The following NBAS variants were observed in gnomAD, a reference collection of about 807,000 sequenced individuals.
NBAS encodes the protein NBAS subunit of NRZ tethering complex.
In NBAS, 219 loss-of-function variants were observed where a neutral mutation model predicts 302.5. The observed-to-expected ratio is 0.72, with a 90% CI of 0.65 to 0.81. The LOEUF (loss-of-function observed/expected upper bound fraction) is 0.81. NBAS is among the 30% of genes least tolerant of loss of function. NBAS has a pLI of 0.00. For synonymous variants in NBAS, 1,118 were observed against 1,021.6 expected, an observed-to-expected ratio of 1.09 and a Z score of -1.80; for missense variants, 2,932 against 2,841.6, an observed-to-expected ratio of 1.03 and a Z score of -0.72.
At chr2:15,174,428 C>T (rs1257429531) in intron 51 of NBAS, among the ~76,000 whole-genome samples, 1 of 152,138 alleles carries the variant, frequency 6.6e-6, no homozygotes, top group Admixed American at 6.6e-5. Context: ...GGACTAAGGT[C>T]AATGTGTTGA....
intron 51 of NBAS, 26 bp downstream of exon 51, chr2:15,178,960 GAA>G: frequency 9.4e-6 from 15 of 1,587,694 alleles, no homozygotes; most frequent in Non-Finnish European, 1.3e-5. Flanking sequence ...AAAAAAAAAA[GAA>G]AGAAAGTAAA....
At chr2:15,026,223 G>A in the NBAS span, among the ~76,000 whole-genome samples, 3 of 12,140 alleles carry the variant, frequency 2.5e-4, 1 homozygote, top group Non-Finnish European at 4.4e-4. Context: ...TTGGGAGGCC[G>A]AGGCGGGTGG....
At position 15,280,117 on chromosome 2, in the gene NBAS, T is replaced by C. The variant is rs542236149; in HGVS notation, c.5139-3016A>G. On this transcript the variant is annotated intron_variant, in intron 42 of 51. Coordinates refer to ENST00000281513, the MANE Select transcript of NBAS (RefSeq NM_015909.4). ...AGAAGCCAGCATTAGTTGCACTCAA[T>C]GCACAGAAATAAATTATTCATACTA... Among the ~76,000 whole-genome samples, 6 of 152,322 alleles carry C rather than the reference T, an allele frequency of 3.9e-5. No homozygotes were observed. The South Asian group carries it at 1.2e-3, about 32-fold the overall frequency.
the NBAS span, among the ~76,000 whole-genome samples, chr2:15,095,436 C>T: frequency 6.6e-6 from 1 of 152,160 alleles, no homozygotes; most frequent in Non-Finnish European, 1.5e-5. Flanking sequence ...CATCAGATCT[C>T]GTGAGACTTA....
the NBAS span, among the ~76,000 whole-genome samples, chr2:14,857,203 G>A: frequency 3.3e-5 from 5 of 152,082 alleles, no homozygotes; most frequent in Admixed American, 6.6e-5. Context: ...AATAGTCCAT[G>A]TTCATGAATT....
At position 15,417,420 on chromosome 2, in the gene NBAS, C is replaced by T. The variant is rs74616146; in HGVS notation, c.2763+107G>A. The T allele has an allele frequency of 5.6e-4, 530 of 942,114 alleles. 5 individuals are homozygous for T. In the African/African-American group the frequency reaches 8.0e-3, roughly 14 times the overall value. 58.4% of individuals were successfully genotyped at this position (942,114 alleles called of 1,614,324 possible). On this transcript the variant is annotated intron_variant, in intron 24 of 51. Coordinates refer to ENST00000281513, the MANE Select transcript of NBAS (RefSeq NM_015909.4). ...AAAAAAGTCAATCTTTATTTACTAA[C>T]TTCTCAGGTCTGTAGAACATTTCAT...
chr2:14,998,612 G>T, the NBAS span, among the ~76,000 whole-genome samples: 11 of 152,188 alleles, frequency 7.2e-5, no homozygotes, highest in Admixed American at 6.5e-4. Context: ...TACTCTGGGG[G>T]ATTCATGTCC....
chr2:15,424,597 G>T, intron 22 of NBAS, 129 bp from the exon 23 acceptor site: 1 of 1,015,238 alleles, frequency 9.8e-7, no homozygotes, highest in Non-Finnish European at 1.5e-6. Context: ...TATGTGGTTT[G>T]TGTATCTATC....
chr2:15,427,323 A>G (rs1677528087), intron 22 of NBAS, among the ~76,000 whole-genome samples: 1 of 152,094 alleles, frequency 6.6e-6, no homozygotes, highest in Non-Finnish European at 1.5e-5. Context: ...GCAGTACTGG[A>G]TGCCTACACA....
the NBAS span, among the ~76,000 whole-genome samples, chr2:15,022,813 T>C: frequency 2.0e-5 from 3 of 152,224 alleles, no homozygotes; most frequent in Non-Finnish European, 4.4e-5. Context: ...TCATATTGTC[T>C]AGAGTGATCT....
chr2:15,281,382 T>C (rs1669818149), intron 42 of NBAS, among the ~76,000 whole-genome samples: 1 of 152,240 alleles, frequency 6.6e-6, no homozygotes, highest in Admixed American at 6.5e-5. Flanking sequence ...AAGCACTATG[T>C]CATCTGATTT....
chr2:15,294,659 TG>T, intron 40 of NBAS, among the ~76,000 whole-genome samples: 1 of 152,304 alleles, frequency 6.6e-6, no homozygotes, highest in Non-Finnish European at 1.5e-5. Flanking sequence ...TGCACTGCCG[TG>T]GCCTGCTGCT....
intron 11 of NBAS, among the ~76,000 whole-genome samples, chr2:15,493,509 A>C (rs113471016): frequency 3.9e-5 from 6 of 152,230 alleles, no homozygotes; most frequent in African/African-American, 1.4e-4. Context: ...CTCTACAAAA[A>C]TACAAAAATT....
chr2:15,515,000 C>A (rs1185824023), intron 9 of NBAS, among the ~76,000 whole-genome samples: 1 of 152,122 alleles, frequency 6.6e-6, no homozygotes, highest in Admixed American at 6.5e-5. Flanking sequence ...ATGTGTTGTT[C>A]CAATCAGACA....
chr2:15,112,870 A>G, the NBAS span, among the ~76,000 whole-genome samples: 3 of 152,110 alleles, frequency 2.0e-5, no homozygotes, highest in Non-Finnish European at 4.4e-5. Flanking sequence ...TTCAAATGAG[A>G]TCTGAGTAAC....
the NBAS span, among the ~76,000 whole-genome samples, chr2:14,990,338 C>G: frequency 6.6e-6 from 1 of 150,894 alleles, no homozygotes; most frequent in South Asian, 2.1e-4. Flanking sequence ...GCAGGAGAAT[C>G]GATTGAACCT....
intron 16 of NBAS, among the ~76,000 whole-genome samples, chr2:15,469,597 T>A (rs1002494419): frequency 2.0e-5 from 3 of 152,010 alleles, no homozygotes; most frequent in African/African-American, 4.8e-5. Context: ...CAAATGTCCA[T>A]CAATGATAGA....
intron 35 of NBAS, among the ~76,000 whole-genome samples, chr2:15,336,898 T>A (rs183518941): frequency 7.2e-5 from 11 of 152,168 alleles, no homozygotes; most frequent in Non-Finnish European, 1.5e-4. Flanking sequence ...ACTGAAAATA[T>A]AAATATGGTA....
the NBAS span, among the ~76,000 whole-genome samples, chr2:15,099,167 A>G: frequency 6.6e-6 from 1 of 151,968 alleles, no homozygotes; most frequent in Non-Finnish European, 1.5e-5. Context: ...GCCAGGCATG[A>G]TGGTGCATGC....
Sources: gnomAD v4.1 joint callset for allele counts (sites outside exome capture counted in the v4.1 genomes callset) on GRCh38, gnomAD v4.1.1 for gene constraint, MANE v1.5 for transcripts, NCBI Gene and HGNC (gene_info 2026-07-23, HGNC 2026-07-21) for gene names.